The following SLC14A2 variants were observed in gnomAD, a reference collection of about 807,000 sequenced individuals.
The protein encoded by SLC14A2 is solute carrier family 14 member 2, also known as urea transporter 2.
Under a neutral mutation model 104.6 loss-of-function variants are expected in SLC14A2, and 91 were observed. That is an observed-to-expected ratio of 0.87 (90% CI 0.73 to 1.04). The LOEUF (loss-of-function observed/expected upper bound fraction) is 1.04, where lower values mean the gene tolerates loss of function less well. Among genes scored for constraint, SLC14A2 ranks in the 50% least tolerant of loss-of-function variants. The pLI, the probability that SLC14A2 is intolerant of heterozygous loss-of-function variation, is 0.00. For missense variants in SLC14A2, 1,189 were observed against 1,156.0 expected (o/e 1.03, Z -0.41); for synonymous variants, 476 against 466.4 (o/e 1.02, Z -0.27).
upstream of SLC14A2, among the ~76,000 whole-genome samples, chr18:45,209,371 AACAAC>A (rs1357390500): frequency 2.6e-4 from 39 of 151,848 alleles, no homozygotes; most frequent in African/African-American, 3.6e-4. Context: ...CAACAACAAC[AACAAC>A]AACTGTGGTC....
At chr18:45,566,591 A>T (rs1195119882) in intron 2 of SLC14A2, among the ~76,000 whole-genome samples, 1 of 151,900 alleles carries the variant, frequency 6.6e-6, no homozygotes, top group East Asian at 1.9e-4. Flanking sequence ...ACTCAGCCCA[A>T]ATTCCTTCCT....
intron 1 of SLC14A2, among the ~76,000 whole-genome samples, chr18:45,326,881 A>G (rs1257761841): frequency 2.0e-5 from 3 of 152,224 alleles, no homozygotes; most frequent in Non-Finnish European, 4.4e-5. Flanking sequence ...AGGGTCTTAC[A>G]TGAGGGTGAG....
chr18:45,581,225 G>A (rs2044486540), intron 2 of SLC14A2, among the ~76,000 whole-genome samples: 2 of 152,304 alleles, frequency 1.3e-5, no homozygotes, highest in Admixed American at 1.3e-4. Flanking sequence ...AGGGGTGTGG[G>A]CCCAGCGATG....
At chr18:45,340,272 C>T (rs2144280971) in intron 1 of SLC14A2, among the ~76,000 whole-genome samples, 1 of 152,314 alleles carries the variant, frequency 6.6e-6, no homozygotes, top group African/African-American at 2.4e-5. Flanking sequence ...CTTATGCAAC[C>T]TTGGGCAGTT....
intron 1 of SLC14A2, among the ~76,000 whole-genome samples, chr18:45,453,170 C>A (rs2086884553): frequency 6.6e-6 from 1 of 152,166 alleles, no homozygotes; most frequent in South Asian, 2.1e-4. Flanking sequence ...CTTCATTCTG[C>A]CTGGGAAGCC....
At chr18:45,509,356 A>T (rs1486008651) in intron 2 of SLC14A2, among the ~76,000 whole-genome samples, 2 of 151,722 alleles carry the variant, frequency 1.3e-5, no homozygotes, top group Non-Finnish European at 2.9e-5. Context: ...CAAATTCTCC[A>T]TAAGTTTTCT....
chr18:45,307,511 G>A (rs774113870), intron 1 of SLC14A2, among the ~76,000 whole-genome samples: 17 of 151,576 alleles, frequency 1.1e-4, no homozygotes, highest in East Asian at 9.7e-4. Flanking sequence ...ATTCAGAGGC[G>A]AATGGCCTGC....
intron 2 of SLC14A2, among the ~76,000 whole-genome samples, chr18:45,497,368 C>T (rs968589615): frequency 6.6e-6 from 1 of 152,180 alleles, no homozygotes; most frequent in African/African-American, 2.4e-5. Context: ...AGGTTCAAAA[C>T]AGAAAACGTT....
At chr18:45,318,520 A>G (rs1024925971) in intron 1 of SLC14A2, among the ~76,000 whole-genome samples, 2 of 152,030 alleles carry the variant, frequency 1.3e-5, no homozygotes, top group African/African-American at 4.8e-5. Context: ...AGGCGCGGTG[A>G]CTCACACCTG....
the SLC14A2 span, among the ~76,000 whole-genome samples, chr18:45,182,896 A>G: frequency 1.3e-5 from 2 of 152,328 alleles, no homozygotes; most frequent in African/African-American, 4.8e-5. Context: ...TCTAGAATTT[A>G]TCTGGAAGAA....
At chr18:45,357,833 A>C (rs1293071361) in intron 1 of SLC14A2, among the ~76,000 whole-genome samples, 1 of 152,172 alleles carries the variant, frequency 6.6e-6, no homozygotes, top group Non-Finnish European at 1.5e-5. Flanking sequence ...ATCTTAGGAG[A>C]CTTCCAGAAA....
chr18:45,682,408 C>T lies in SLC14A2; in HGVS notation c.2652C>T (p.Leu884=). Residue 884 remains leucine, a synonymous_variant, in exon 20 of 20, where the codon CTC becomes CTT. Transcript: ENST00000255226. Reference sequence around the variant, plus strand: ...CCAATAACCCCGCCATCTACAAGCTCCCGCTCAGCAAAGTCACCTACCCAG... The same window carrying T: ...CCAATAACCCCGCCATCTACAAGCTTCCGCTCAGCAAAGTCACCTACCCAG... The part of the protein sequence containing the change: ...LTTNNPAIYK[L]PLSKVTYPEA... The T allele has an allele frequency of 2.5e-6, 4 of 1,614,176 alleles. No homozygotes were observed. Among genetic ancestry groups the T allele is most frequent in the Non-Finnish European group, 3.4e-6 (4 of 1,180,026 alleles).
rs138172357 is a variant in SLC14A2, at chr18:45,350,408, G to A, written c.-124-132825G>A. On this transcript the variant is annotated intron_variant, in intron 1 of 20. Coordinates refer to the SLC14A2 transcript ENST00000586448. The stretch of plus-strand genomic sequence containing the variant: ...TAGCTCAAGGTCACAGGGACAGCAC[G>A]TTCATCACAGTGAGGGAAATTCCTT... Among the ~76,000 whole-genome samples the A allele has an allele frequency of 4.9e-3, 752 of 152,290 alleles. 9 individuals carry two copies. Among genetic ancestry groups the A allele is most frequent in the Admixed American group, 0.013 (202 of 15,290 alleles).
chr18:45,570,319 C>A (rs1000760901), intron 2 of SLC14A2, among the ~76,000 whole-genome samples: 1 of 151,748 alleles, frequency 6.6e-6, no homozygotes, highest in African/African-American at 2.4e-5. Context: ...ACTCCCTACA[C>A]CCTCACCTAT....
chr18:45,277,085 A>G (rs948825929), intron 1 of SLC14A2, among the ~76,000 whole-genome samples: 2 of 152,244 alleles, frequency 1.3e-5, no homozygotes, highest in African/African-American at 2.4e-5. Context: ...TCTCAGGAAG[A>G]AACACTTCTT....
chr18:45,516,678 C>A (rs1221577971), intron 2 of SLC14A2, among the ~76,000 whole-genome samples: 1 of 152,218 alleles, frequency 6.6e-6, no homozygotes, highest in Non-Finnish European at 1.5e-5. Context: ...TTGATCTGGG[C>A]AGCACTTTCC....
the SLC14A2 span, among the ~76,000 whole-genome samples, chr18:45,187,127 T>C: frequency 2.0e-5 from 3 of 152,160 alleles, no homozygotes; most frequent in African/African-American, 7.2e-5. Flanking sequence ...CCAGGAATAT[T>C]CTGCATTTCC....
At chr18:45,592,685 C>T (rs1371537705) in intron 2 of SLC14A2, among the ~76,000 whole-genome samples, 1 of 152,194 alleles carries the variant, frequency 6.6e-6, no homozygotes, top group Non-Finnish European at 1.5e-5. Context: ...AGCACTTGAT[C>T]CCTGGCCTGT....
rs148336254 is a variant in SLC14A2, at chr18:45,663,900, G to A, written c.1467G>A (p.Arg489=). 2.2e-5 allele frequency: 36 copies of A among 1,612,032 alleles called. No individual in the cohort carries two copies. The Admixed American group carries it at 3.0e-4, about 13-fold the overall frequency. ...FHIEWSSIRR[R]SKVFGKGEHQ... ...TCGAGTGGTCATCCATTCGGAGGAG[G>A]AGCAAAGGTGTGCATGTCCTCCCCC... The change falls in exon 11 of 20, where the codon AGG becomes AGA. Residue 489 remains arginine (R), a synonymous_variant. Coordinates refer to ENST00000255226, the MANE Select transcript of SLC14A2 (RefSeq NM_007163.4).
Sources: gnomAD v4.1 joint callset for allele counts (sites outside exome capture counted in the v4.1 genomes callset) on GRCh38, gnomAD v4.1.1 for gene constraint, MANE v1.5 for transcripts, NCBI Gene and HGNC (gene_info 2026-07-23, HGNC 2026-07-21) for gene names.